CLASP1: variants seen among roughly 807,000 people sequenced by gnomAD.
The protein encoded by CLASP1 is cytoplasmic linker associated protein 1.
In CLASP1, 38 loss-of-function variants were observed where a neutral mutation model predicts 192.3. That is an observed-to-expected ratio of 0.20 (90% confidence interval 0.15 to 0.26). CLASP1 has a LOEUF of 0.26. Ranked by LOEUF, CLASP1 falls within the 10% of genes least tolerant of loss-of-function variation. The probability of loss-of-function intolerance (pLI) is 1.00; values close to 1 mark genes in which losing one functional copy is unlikely to be tolerated. For missense variants in CLASP1, 1,433 were observed against 1,932.5 expected (o/e 0.74, Z 4.85); for synonymous variants, 691 against 712.8 (o/e 0.97, Z 0.49).
intron 30 of CLASP1, among the ~76,000 whole-genome samples, chr2:121,395,634 T>C (rs1559023455): frequency 6.6e-6 from 1 of 152,204 alleles, no homozygotes; most frequent in African/African-American, 2.4e-5. Context: ...GCATCCATAT[T>C]CCACATCTGA....
At chr2:121,411,590 T>C (rs1407616623) in intron 23 of CLASP1, among the ~76,000 whole-genome samples, 11 of 152,118 alleles carry the variant, frequency 7.2e-5, no homozygotes, top group Non-Finnish European at 1.5e-4. Context: ...CATTAAAAAT[T>C]TAGATAATAT....
intron 8 of CLASP1, among the ~76,000 whole-genome samples, chr2:121,490,097 T>C (rs1449279415): frequency 6.6e-6 from 1 of 152,226 alleles, no homozygotes; most frequent in Non-Finnish European, 1.5e-5. Flanking sequence ...TTGATGTTTA[T>C]TTCCCTGTAG....
intron 2 of CLASP1, among the ~76,000 whole-genome samples, chr2:121,578,094 G>A (rs375462153): frequency 4.6e-5 from 7 of 151,948 alleles, no homozygotes; most frequent in African/African-American, 7.2e-5. Flanking sequence ...CACCACGTCC[G>A]GCTAATTTTT....
At chr2:121,628,121 A>G (rs1197735257) in intron 1 of CLASP1, among the ~76,000 whole-genome samples, 3 of 152,210 alleles carry the variant, frequency 2.0e-5, no homozygotes, top group Non-Finnish European at 4.4e-5. Flanking sequence ...TTTTACTAAA[A>G]TGAAATTTTT....
intron 33 of CLASP1, among the ~76,000 whole-genome samples, chr2:121,380,133 A>G (rs893801536): frequency 6.6e-6 from 1 of 152,214 alleles, no homozygotes; most frequent in Non-Finnish European, 1.5e-5. Context: ...GGCTTGAATT[A>G]TATTTTTCCA....
rs527792282 is a variant in CLASP1, at chr2:121,575,431, T to C, written c.195+30270A>G. On this transcript the variant is annotated intron_variant, in intron 2 of 39. Coordinates refer to ENST00000263710, the Ensembl canonical transcript of CLASP1. ...TACATTAATTTTTTAATAAAAAACT[T>C]TTTTCAAAAAAGGGAGGCTTTAGAG... Among the ~76,000 whole-genome samples, 20 of 152,034 alleles carry C rather than the reference T, an allele frequency of 1.3e-4. No homozygotes were observed. In the South Asian group the frequency reaches 4.1e-3, roughly 32 times the overall value.
At chr2:121,531,012 AAACCTGTTTTCAT>A (rs1167044628) in intron 2 of CLASP1, 10 of 700,102 alleles carry the variant, frequency 1.4e-5, no homozygotes, top group Non-Finnish European at 2.3e-5. Flanking sequence ...GGAAAAATGA[AAACCTGTTTTCAT>A]AGACTTATCA....
chr2:121,519,035 C>A (rs764512803), intron 6 of CLASP1, among the ~76,000 whole-genome samples: 17 of 152,176 alleles, frequency 1.1e-4, no homozygotes, highest in Non-Finnish European at 2.1e-4. Flanking sequence ...ACAATCAATA[C>A]CCAGGCAGCT....
chr2:121,472,781 A>C (rs1201304819), intron 8 of CLASP1, among the ~76,000 whole-genome samples: 1 of 152,234 alleles, frequency 6.6e-6, no homozygotes, highest in African/African-American at 2.4e-5. Flanking sequence ...GGGAAGCTCC[A>C]AACAGCCAAA....
intron 23 of CLASP1, among the ~76,000 whole-genome samples, chr2:121,417,407 A>G (rs1163925198): frequency 6.6e-6 from 1 of 152,166 alleles, no homozygotes; most frequent in Non-Finnish European, 1.5e-5. Flanking sequence ...GCAAGGATGC[A>G]AAGATATACA....
chr2:121,469,968 G>T lies in CLASP1; in HGVS notation c.713-8C>A. On this transcript the variant is annotated splice_polypyrimidine_tract_variant and splice_region_variant and intron_variant, in intron 8 of 39. Coordinates refer to ENST00000263710, the Ensembl canonical transcript of CLASP1. ...CATCGTCGAAATTTTTATCTGAACA[G>T]TAAGCACAGAAACCAACGTTTTTTT... 1.2e-6 allele frequency: 2 copies of T among 1,604,986 alleles called. No homozygotes were observed. The highest frequency in any genetic ancestry group is 1.7e-6 in the Non-Finnish European group (2 of 1,177,320).
chr2:121,487,274 C>A (rs557957840), intron 8 of CLASP1, among the ~76,000 whole-genome samples: 1 of 152,246 alleles, frequency 6.6e-6, no homozygotes, highest in African/African-American at 2.4e-5. Context: ...TCAGGTAGAT[C>A]TGTATTACCA....
intron 6 of CLASP1, among the ~76,000 whole-genome samples, chr2:121,525,451 C>G (rs754765817): frequency 6.6e-6 from 1 of 152,136 alleles, no homozygotes; most frequent in Non-Finnish European, 1.5e-5. Flanking sequence ...AAATTCCCCT[C>G]AGACCCTCTT....
At chr2:121,342,941 T>C (rs2062967365) in intron 39 of CLASP1, among the ~76,000 whole-genome samples, 1 of 152,174 alleles carries the variant, frequency 6.6e-6, no homozygotes, top group African/African-American at 2.4e-5. Flanking sequence ...AATTAATTTA[T>C]GCATGCACAG....
intron 1 of CLASP1, among the ~76,000 whole-genome samples, chr2:121,617,315 G>A (rs566279988): frequency 2.0e-5 from 3 of 152,238 alleles, no homozygotes; most frequent in African/African-American, 7.2e-5. Context: ...AGGAATCAGC[G>A]ATCTCTCCTC....
intron 22 of CLASP1, among the ~76,000 whole-genome samples, chr2:121,421,681 T>C (rs1044786843): frequency 2.0e-5 from 3 of 152,290 alleles, no homozygotes; most frequent in Middle Eastern, 3.4e-3. Flanking sequence ...TAGCTGGGAT[T>C]ACAGGCACGC....
intron 7 of CLASP1, among the ~76,000 whole-genome samples, chr2:121,508,831 T>C (rs909774365): frequency 6.6e-6 from 1 of 152,158 alleles, no homozygotes; most frequent in African/African-American, 2.4e-5. Context: ...AAAAGAGAGC[T>C]AGAATGGTTA....
chr2:121,485,806 C>T (rs2092935159), intron 8 of CLASP1, among the ~76,000 whole-genome samples: 1 of 152,180 alleles, frequency 6.6e-6, no homozygotes, highest in African/African-American at 2.4e-5. Flanking sequence ...TTGTGTATGC[C>T]AAGGATGTTT....
In CLASP1 at chr2:121,505,369, A is replaced by G. The variant is rs142225649; in HGVS notation, c.645-2135T>C. The G allele has an allele frequency of 3.3e-5, 5 of 152,330 alleles. No individual in the cohort carries two copies. In the East Asian group the frequency reaches 9.6e-4, roughly 29 times the overall value. 9.4% of individuals were successfully genotyped at this position (152,330 alleles called of 1,614,324 possible). A position where few individuals can be genotyped will look rare whatever the true frequency, so the allele number is the denominator to read the frequency against. On this transcript the variant is annotated intron_variant, in intron 7 of 39. Coordinates refer to ENST00000263710, the Ensembl canonical transcript of CLASP1. ...AACTAGGTATGAGAACACTATAAAC[A>G]TAACTATTACTAGTATGTCCACCTT...
Sources: gnomAD v4.1 joint callset for allele counts (sites outside exome capture counted in the v4.1 genomes callset) on GRCh38, gnomAD v4.1.1 for gene constraint, MANE v1.5 for transcripts, NCBI Gene and HGNC (gene_info 2026-07-23, HGNC 2026-07-21) for gene names.